Variants in PPP6R2 observed in about 807,000 individuals in gnomAD.
PPP6R2 encodes serine/threonine-protein phosphatase 6 regulatory subunit 2.
In PPP6R2, 62 loss-of-function variants were observed where a neutral mutation model predicts 100.2. The observed-to-expected ratio is 0.62, with a 90% CI of 0.50 to 0.76. The LOEUF (loss-of-function observed/expected upper bound fraction) is 0.76, where lower values mean the gene tolerates loss of function less well. PPP6R2 is among the 30% of genes least tolerant of loss of function. PPP6R2 has a pLI of 0.00. For synonymous variants in PPP6R2, 525 were observed against 514.7 expected (o/e 1.02, Z -0.27); for missense variants, 1,142 against 1,276.3 (o/e 0.89, Z 1.60).
At chr22:50,375,019 GAT>G (rs974042660) in intron 2 of PPP6R2, among the ~76,000 whole-genome samples, 8 of 151,434 alleles carry the variant, frequency 5.3e-5, no homozygotes, top group African/African-American at 1.9e-4. Context: ...AAAGTTAAAA[GAT>G]AGATTACCTA....
At chr22:50,341,004 G>A (rs953581982), upstream of PPP6R2, among the ~76,000 whole-genome samples, 6 of 152,068 alleles carry the variant, frequency 3.9e-5, no homozygotes, top group African/African-American at 7.3e-5. Context: ...TTCACCTCCC[G>A]GGTTCAAGTG....
chr22:50,426,487 GT>G (rs1047871930), intron 10 of PPP6R2, among the ~76,000 whole-genome samples: 4 of 151,994 alleles, frequency 2.6e-5, no homozygotes, highest in Non-Finnish European at 5.9e-5. Context: ...TAAAGTAAGG[GT>G]CCAGCTTCAT....
intron 8 of PPP6R2, among the ~76,000 whole-genome samples, chr22:50,421,488 G>A (rs962275247): frequency 2.0e-5 from 3 of 152,228 alleles, no homozygotes; most frequent in Non-Finnish European, 4.4e-5. Context: ...GATTATAGGT[G>A]TGAGCCACTG....
intron 3 of PPP6R2, among the ~76,000 whole-genome samples, chr22:50,399,237 A>AT (rs1419901724): frequency 6.6e-6 from 1 of 152,236 alleles, no homozygotes; most frequent in Non-Finnish European, 1.5e-5. Context: ...ATAAATATAT[A>AT]TGTAGACCAG....
At chr22:50,361,958 T>C (rs2047879155) in intron 1 of PPP6R2, among the ~76,000 whole-genome samples, 1 of 152,136 alleles carries the variant, frequency 6.6e-6, no homozygotes, top group African/African-American at 2.4e-5. Context: ...TCAACACTTT[T>C]ACCTGCAGTG....
chr22:50,351,488 C>T (rs975672750), intron 1 of PPP6R2, among the ~76,000 whole-genome samples: 5 of 151,352 alleles, frequency 3.3e-5, no homozygotes, highest in African/African-American at 1.2e-4. Context: ...TATGAAAATC[C>T]TAGATGGCAC....
chr22:50,354,588 G>A (rs1005337675), intron 1 of PPP6R2, among the ~76,000 whole-genome samples: 1 of 151,998 alleles, frequency 6.6e-6, no homozygotes, highest in African/African-American at 2.4e-5. Context: ...CACTTTGGGA[G>A]GCTGAGGTGG....
rs199981709 is a variant in PPP6R2, at chr22:50,427,736, T to TG, written c.1126-3437_1126-3436insG. On this transcript the variant is annotated intron_variant, in intron 10 of 23. Transcript: ENST00000612753. ...AAATAATTTTTGTTTTGTTTTGTTT[T>TG]TTTTGAGACCGAGTCTCGCTGTCGC... Among the ~76,000 whole-genome samples the TG allele has an allele frequency of 1.5e-4, 23 of 152,036 alleles. No individual in the cohort carries two copies. In the East Asian group the frequency reaches 3.9e-3, roughly 26 times the overall value.
chr22:50,367,074 T>C (rs1473471485), intron 1 of PPP6R2, among the ~76,000 whole-genome samples: 1 of 152,166 alleles, frequency 6.6e-6, no homozygotes, highest in East Asian at 1.9e-4. Flanking sequence ...GGAGGCTTTT[T>C]AATGAAAGCT....
chr22:50,390,532 A>G (rs1419251501), intron 2 of PPP6R2, among the ~76,000 whole-genome samples: 2 of 152,022 alleles, frequency 1.3e-5, no homozygotes, highest in African/African-American at 2.4e-5. Context: ...GGTGGTTCAC[A>G]CCTGTATTCC....
intron 1 of PPP6R2, among the ~76,000 whole-genome samples, chr22:50,349,495 C>G (rs980963908): frequency 6.6e-6 from 1 of 151,356 alleles, no homozygotes; most frequent in Non-Finnish European, 1.5e-5. Flanking sequence ...ATAGTGAGGC[C>G]CCATCTCTGC....
intron 4 of PPP6R2, among the ~76,000 whole-genome samples, chr22:50,408,886 G>A (rs1472629920): frequency 6.6e-6 from 1 of 152,290 alleles, no homozygotes; most frequent in African/African-American, 2.4e-5. Flanking sequence ...AGGCCGAGGC[G>A]AGTGGATCAC....
chr22:50,351,032 T>TG (rs1569254408), intron 1 of PPP6R2, among the ~76,000 whole-genome samples: 4 of 113,004 alleles, frequency 3.5e-5, no homozygotes, highest in East Asian at 3.0e-4. Flanking sequence ...CAGTGTTTTT[T>TG]TTTTTTTTTT....
At chr22:50,356,373 G>A (rs2046584695) in intron 1 of PPP6R2, among the ~76,000 whole-genome samples, 2 of 142,224 alleles carry the variant, frequency 1.4e-5, no homozygotes. Flanking sequence ...AATGATCGTT[G>A]TCACAGAAGT....
intron 3 of PPP6R2, among the ~76,000 whole-genome samples, chr22:50,402,393 G>A (rs1345647874): frequency 6.8e-6 from 1 of 147,782 alleles, no homozygotes; most frequent in Non-Finnish European, 1.5e-5. Flanking sequence ...CTGTGGCTGT[G>A]CCTGGTGTCC....
At chr22:50,337,263 G>C in the PPP6R2 span, among the ~76,000 whole-genome samples, 13 of 135,056 alleles carry the variant, frequency 9.6e-5, no homozygotes, top group Non-Finnish European at 1.7e-4. Context: ...TGTGTGTGCA[G>C]TGTGTGTGGT....
At chr22:50,346,844 TTC>T (rs113963098) in intron 1 of PPP6R2, among the ~76,000 whole-genome samples, 4 of 136,360 alleles carry the variant, frequency 2.9e-5, no homozygotes, top group African/African-American at 1.1e-4. Context: ...GTCAATTATT[TTC>T]TTTCTGTCAT....
intron 1 of PPP6R2, among the ~76,000 whole-genome samples, chr22:50,368,603 A>C (rs1340363250): frequency 6.6e-6 from 1 of 152,176 alleles, no homozygotes; most frequent in Non-Finnish European, 1.5e-5. Context: ...CTTACTTTAT[A>C]TATTTTATTT....
upstream of PPP6R2, among the ~76,000 whole-genome samples, chr22:50,339,415 AGGGTG>A: frequency 1.6e-5 from 1 of 62,786 alleles, no homozygotes; most frequent in South Asian, 5.8e-4. Flanking sequence ...GTGTGTGTGT[AGGGTG>A]TGTGGTGTGT....
Sources: gnomAD v4.1 joint callset for allele counts (sites outside exome capture counted in the v4.1 genomes callset) on GRCh38, gnomAD v4.1.1 for gene constraint, MANE v1.5 for transcripts, NCBI Gene and HGNC (gene_info 2026-07-23, HGNC 2026-07-21) for gene names.